BLTP3A: variants seen among roughly 807,000 people sequenced by gnomAD.
BLTP3A encodes the protein bridge-like lipid transfer protein family member 3A, also known as ICBP90 binding protein 1.
the BLTP3A span, chr6:34,864,135 C>T: frequency 1.2e-6 from 2 of 1,613,898 alleles, no homozygotes; most frequent in East Asian, 2.2e-5. Context: ...TAGCAGTGGC[C>T]CTGAAGACCG....
At chr6:34,864,496 A>G in the BLTP3A span, among the ~76,000 whole-genome samples, 2 of 144,870 alleles carry the variant, frequency 1.4e-5, no homozygotes, top group African/African-American at 5.2e-5. Flanking sequence ...CATGGTTGGT[A>G]TCAGTGGTGT....
At chr6:34,864,879 A>T in the BLTP3A span, among the ~76,000 whole-genome samples, 1,288 of 152,122 alleles carry the variant, frequency 8.5e-3, 19 homozygotes, top group African/African-American at 0.027. Flanking sequence ...GAGGCAGGAG[A>T]ATTGTTTGAA....
chr6:34,858,311 C>G, the BLTP3A span: 29 of 1,614,022 alleles, frequency 1.8e-5, no homozygotes, highest in Admixed American at 3.8e-4. Context: ...GATCACTTTC[C>G]TAAGGTTCCA....
chr6:34,841,955 G>A, the BLTP3A span, among the ~76,000 whole-genome samples: 1 of 152,000 alleles, frequency 6.6e-6, no homozygotes. Flanking sequence ...TTTTTTAAGG[G>A]CAGGCTATTC....
the BLTP3A span, chr6:34,864,141 G>T: frequency 6.2e-7 from 1 of 1,614,158 alleles, no homozygotes; most frequent in African/African-American, 1.3e-5. Context: ...TGGCCCTGAA[G>T]ACCGGATTTC....
the BLTP3A span, chr6:34,836,296 C>T: frequency 5.6e-6 from 9 of 1,614,112 alleles, no homozygotes; most frequent in Non-Finnish European, 1.7e-6. Context: ...ACCATCTGCT[C>T]ATCTCCCGCC....
the BLTP3A span, among the ~76,000 whole-genome samples, chr6:34,825,635 C>T: frequency 1.3e-5 from 2 of 152,198 alleles, no homozygotes; most frequent in Non-Finnish European, 2.9e-5. Flanking sequence ...GGCATTAATC[C>T]CATTAATGAG....
the BLTP3A span, among the ~76,000 whole-genome samples, chr6:34,792,736 C>T: frequency 1.3e-5 from 2 of 152,190 alleles, no homozygotes; most frequent in African/African-American, 4.8e-5. Flanking sequence ...GGCCCCTGCC[C>T]CTTCCTTTGG....
the BLTP3A span, among the ~76,000 whole-genome samples, chr6:34,814,453 A>C: frequency 1.3e-5 from 2 of 152,218 alleles, no homozygotes; most frequent in South Asian, 2.1e-4. Context: ...AAGTAAACTG[A>C]AAAGTGAAAA....
chr6:34,823,484 T>C, the BLTP3A span: 6 of 643,074 alleles, frequency 9.3e-6, no homozygotes, highest in African/African-American at 1.1e-4. Context: ...AGAACCTCCA[T>C]ATACCCAAGA....
the BLTP3A span, chr6:34,873,779 T>C: frequency 6.6e-6 from 1 of 152,252 alleles, no homozygotes; most frequent in African/African-American, 2.4e-5. Context: ...AAAGGTTTCT[T>C]CTATGGGAAA....
chr6:34,797,570 C>T, the BLTP3A span, among the ~76,000 whole-genome samples: 4 of 152,298 alleles, frequency 2.6e-5, no homozygotes, highest in African/African-American at 9.6e-5. Context: ...AACTTCCAGT[C>T]ATGTTCTTTT....
chr6:34,843,834 T>C, the BLTP3A span, among the ~76,000 whole-genome samples: 1 of 152,226 alleles, frequency 6.6e-6, no homozygotes, highest in African/African-American at 2.4e-5. Flanking sequence ...TTCTCCATAG[T>C]AGTTATACTA....
the BLTP3A span, chr6:34,864,295 A>C: frequency 1.7e-6 from 2 of 1,200,136 alleles, no homozygotes; most frequent in South Asian, 3.4e-5. Context: ...GAGCTGAGAG[A>C]TGATAATATA....
the BLTP3A span, among the ~76,000 whole-genome samples, chr6:34,870,552 C>CATT: frequency 1.3e-5 from 2 of 152,256 alleles, no homozygotes; most frequent in East Asian, 3.9e-4. Context: ...TTTCCTTGGC[C>CATT]ATTAGCCCAC....
the BLTP3A span, chr6:34,871,764 C>G: frequency 6.2e-7 from 1 of 1,611,502 alleles, no homozygotes; most frequent in Non-Finnish European, 8.5e-7. Flanking sequence ...CACCTAGGAA[C>G]TGTTTGGGAG....
chr6:34,869,674 A>G, the BLTP3A span, among the ~76,000 whole-genome samples: 7 of 93,212 alleles, frequency 7.5e-5, no homozygotes, highest in Admixed American at 4.3e-4. Flanking sequence ...TTTTTGAGGC[A>G]GAGTCTTGCT....
At chr6:34,843,563 A>G in the BLTP3A span, among the ~76,000 whole-genome samples, 2 of 152,220 alleles carry the variant, frequency 1.3e-5, no homozygotes, top group Non-Finnish European at 2.9e-5. Flanking sequence ...TCGGTTATCT[A>G]TCACCTCAAG....
the BLTP3A span, among the ~76,000 whole-genome samples, chr6:34,841,944 C>G: frequency 1.3e-5 from 2 of 152,086 alleles, no homozygotes; most frequent in Admixed American, 6.6e-5. Context: ...CCTTATTTCT[C>G]TTTTTTAAGG....
Sources: allele counts gnomAD v4.1 joint callset (sites outside exome capture counted in the v4.1 genomes callset), GRCh38; gene constraint gnomAD v4.1.1; transcripts MANE v1.5; gene names NCBI Gene and HGNC (gene_info 2026-07-23, HGNC 2026-07-21).